The following CHAF1A variants were observed in gnomAD, a reference collection of about 807,000 sequenced individuals.
CHAF1A encodes the protein chromatin assembly factor 1 subunit A.
CHAF1A carries 5 observed loss-of-function variants against 93.2 expected under a neutral mutation model. That is an observed-to-expected ratio of 0.05 (90% CI 0.03 to 0.11). The LOEUF is 0.11. CHAF1A is among the 10% of genes least tolerant of loss of function. CHAF1A has a pLI of 1.00. For synonymous variants in CHAF1A, 504 were observed against 510.3 expected (o/e 0.99, Z 0.17); for missense variants, 1,102 against 1,259.9 (o/e 0.87, Z 1.90).
At chr19:4,402,926 G>A (rs1056710437) in intron 1 of CHAF1A, 112 bp downstream of exon 1, 77 of 626,224 alleles carry the variant, frequency 1.2e-4, no homozygotes, top group Non-Finnish European at 1.4e-4. Context: ...GGTCCTGCGG[G>A]CCGGGCGTTC....
At position 4,427,136 on chromosome 19, in the gene CHAF1A, C is replaced by CTTTTTTTTTTTTTTTTTTT. The variant is rs747750687; in HGVS notation, c.1378-1515_1378-1497dup. On this transcript the variant is annotated intron_variant, in intron 7 of 14. Coordinates refer to ENST00000301280, the MANE Select transcript of CHAF1A (RefSeq NM_005483.3). ...GTGATCTTTCAAAAAAAGACCCTGT[C>CTTTTTTTTTTTTTTTTTTT]TTTTTTTTTTTTTTTTTTTTTTTTT... Among the ~76,000 whole-genome samples the CTTTTTTTTTTTTTTTTTTT allele has an allele frequency of 1.3e-3, 40 of 31,948 alleles. 9 individuals are homozygous for CTTTTTTTTTTTTTTTTTTT. The highest frequency in any genetic ancestry group is 1.4e-3 in the Admixed American group (2 of 1,474). The allele number at this position is 31,948 out of a possible 152,430, so 21.0% of individuals were successfully genotyped here.
chr19:4,413,113 C>T (rs1026100493), intron 3 of CHAF1A, among the ~76,000 whole-genome samples: 1 of 152,090 alleles, frequency 6.6e-6, no homozygotes, highest in Non-Finnish European at 1.5e-5. Context: ...CACTCTTTTG[C>T]CCAGGTTGGA....
At chr19:4,429,362 A>T (rs1689278380) in intron 8 of CHAF1A, 76 bp from the exon 9 acceptor site, 6 of 1,509,330 alleles carry the variant, frequency 4.0e-6, no homozygotes, top group Non-Finnish European at 5.4e-6. Context: ...GGCCAGCTTC[A>T]CAGGGAGGTT....
intron 10 of CHAF1A, 101 bp downstream of exon 10, chr19:4,429,889 C>A: frequency 2.0e-6 from 2 of 1,017,986 alleles, no homozygotes; most frequent in Non-Finnish European, 2.9e-6. Context: ...TGTTCACTCA[C>A]TGACAGCTGG....
At chr19:4,404,263 G>A (rs1973641069) in intron 1 of CHAF1A, among the ~76,000 whole-genome samples, 1 of 152,222 alleles carries the variant, frequency 6.6e-6, no homozygotes, top group Non-Finnish European at 1.5e-5. Flanking sequence ...ACACACATAT[G>A]TGTTAATCGT....
Position 4,431,992 on chromosome 19 carries a change from T to C in CHAF1A, c.1988T>C (p.Leu663Pro), listed in dbSNP as rs1210600747. 1 of 1,612,986 alleles carries C rather than the reference T, an allele frequency of 6.2e-7. No individual in the cohort carries two copies. Among genetic ancestry groups the C allele is most frequent in the Non-Finnish European group, 8.5e-7 (1 of 1,179,312 alleles). ...DPENHKVRQK[L>P]KAKEWDEFLA... Reference sequence around the variant, plus strand: ...GAGAACCATAAGGTCCGCCAGAAACTGAAGGCCAAGGAGTGGGACGAGTTC... The same window carrying C: ...GAGAACCATAAGGTCCGCCAGAAACCGAAGGCCAAGGAGTGGGACGAGTTC... Residue 663 changes from leucine (L) to proline (P), a missense_variant, in exon 12 of 15, where the codon CTG (leucine) becomes CCG (proline). This residue lies in a region of CHAF1A where 335 missense variants were observed against 361.9 expected (regional missense o/e 0.93). Coordinates refer to ENST00000301280, the MANE Select transcript of CHAF1A (RefSeq NM_005483.3).
chr19:4,411,591 G>GAAA (rs147288937), intron 3 of CHAF1A, among the ~76,000 whole-genome samples: 1 of 142,916 alleles, frequency 7.0e-6, no homozygotes, highest in Non-Finnish European at 1.5e-5. Context: ...GATGAAAAAG[G>GAAA]AAAAAATGGC....
intron 3 of CHAF1A, among the ~76,000 whole-genome samples, chr19:4,416,272 G>A (rs1453288074): frequency 1.3e-5 from 2 of 152,288 alleles, no homozygotes; most frequent in African/African-American, 4.8e-5. Context: ...GTCTTACACT[G>A]CAAGTCTGCA....
In CHAF1A at chr19:4,402,809, C is replaced by T; in HGVS notation, c.47C>T (p.Ala16Val). Residue 16 changes from alanine to valine, a missense_variant, in exon 1 of 15, where the codon GCC (alanine) becomes GTC (valine). Ala to Val is a moderately conservative substitution (Grantham distance 64). This residue lies in a region of CHAF1A where 28 missense variants were observed against 56.5 expected (regional missense o/e 0.50). Coordinates refer to ENST00000301280, the MANE Select transcript of CHAF1A (RefSeq NM_005483.3). ...ECGAPGARGA[A>V]TAMDCKDRPA... ...GGGGCGCCCGGCGCCAGGGGAGCCG[C>T]CACAGGTCGGTTCGGGCCCGCGCCG... The T allele has an allele frequency of 8.3e-7, 1 of 1,204,802 alleles. No homozygotes were observed. Among genetic ancestry groups the T allele is most frequent in the South Asian group, 4.1e-5 (1 of 24,124 alleles). The allele number at this position is 1,204,802 out of a possible 1,614,324, so 74.6% of individuals were successfully genotyped here. A position where few individuals can be genotyped will look rare whatever the true frequency, so the allele number is the denominator to read the frequency against.
Position 4,431,933 on chromosome 19 carries a change from C to T in CHAF1A, c.1948-19C>T. On this transcript the variant is annotated intron_variant, in intron 11 of 14. Transcript: ENST00000301280. ...GGGAGCAAGAACCCCAAATAAACTT[C>T]TGCTTTCTAAACCACAAGGAGTGTG... The T allele has an allele frequency of 6.3e-7, 1 of 1,584,470 alleles. No homozygotes were observed. The highest frequency in any genetic ancestry group is 8.6e-7 in the Non-Finnish European group (1 of 1,160,448).
chr19:4,431,682 G>A (rs1454059858), intron 11 of CHAF1A, among the ~76,000 whole-genome samples: 1 of 152,140 alleles, frequency 6.6e-6, no homozygotes, highest in Non-Finnish European at 1.5e-5. Flanking sequence ...ACATTCACCA[G>A]AAAATTCAGA....
In CHAF1A at chr19:4,433,326, G is replaced by T. The variant is rs748083293; in HGVS notation, c.2460G>T (p.Val820=). 41 of 1,613,942 alleles carry T rather than the reference G, an allele frequency of 2.5e-5. No individual in the cohort carries two copies. The highest frequency in any genetic ancestry group is 3.1e-5 in the Non-Finnish European group (37 of 1,179,944). The change falls in exon 13 of 15, where the codon GTG becomes GTT. Residue 820 remains valine, a synonymous_variant. Coordinates refer to ENST00000301280, the MANE Select transcript of CHAF1A (RefSeq NM_005483.3). This position sits in a 1 kb window ranked among gnomAD's most constrained non-coding sequence, Gnocchi z 5.6. ...KRPDFRMCWY[V]HPQVLQSFQQ... ...CTGACTTCAGGATGTGCTGGTACGTGCACCCGCAGGTGCTACAGAGCTTCC... is the reference window on the plus strand; with the variant it reads ...CTGACTTCAGGATGTGCTGGTACGTTCACCCGCAGGTGCTACAGAGCTTCC...
intron 13 of CHAF1A, among the ~76,000 whole-genome samples, chr19:4,435,968 G>GC (rs908911830): frequency 3.3e-5 from 5 of 152,258 alleles, no homozygotes; most frequent in African/African-American, 1.2e-4. Flanking sequence ...GTGAAACCCT[G>GC]TCTCTACTAA....
chr19:4,406,818 G>A (rs1027666317), intron 2 of CHAF1A, among the ~76,000 whole-genome samples: 2 of 152,122 alleles, frequency 1.3e-5, no homozygotes, highest in Non-Finnish European at 1.5e-5. Flanking sequence ...CCAGCTATTT[G>A]AGAGGCTGGG....
rs535299945 is a variant in CHAF1A, at chr19:4,432,918, T to A, written c.2204-152T>A. ...GGGCAGGTGCGTAGGTGCTACCCTG[T>A]CTTACACCCGCCCTCATGAGGCCAC... On this transcript the variant is annotated intron_variant, in intron 12 of 14. Transcript: ENST00000301280. 6.0e-5 allele frequency: 38 copies of A among 632,270 alleles called. 1 individual carries two copies. The South Asian group carries it at 7.2e-4, about 12-fold the overall frequency. 39.2% of individuals were successfully genotyped at this position (632,270 alleles called of 1,614,324 possible). A position where few individuals can be genotyped will look rare whatever the true frequency, so the allele number is the denominator to read the frequency against.
intron 4 of CHAF1A, among the ~76,000 whole-genome samples, chr19:4,419,439 T>C (rs558751929): frequency 4.1e-4 from 60 of 147,512 alleles, no homozygotes; most frequent in African/African-American, 1.3e-3. Context: ...ATTTTATTAC[T>C]TTTTTTTTTA....
At chr19:4,428,565 T>TAC (rs1974125299) in intron 7 of CHAF1A, 99 bp from the exon 8 acceptor site, 2 of 1,065,608 alleles carry the variant, frequency 1.9e-6, no homozygotes, top group South Asian at 2.9e-5. Flanking sequence ...GCCTTGGCCT[T>TAC]AGCCTGGATG....
intron 4 of CHAF1A, among the ~76,000 whole-genome samples, chr19:4,419,204 T>C (rs536616719): frequency 6.6e-6 from 1 of 151,998 alleles, no homozygotes; most frequent in Non-Finnish European, 1.5e-5. Flanking sequence ...ACTTATTGCT[T>C]AAAGGTTAGA....
At chr19:4,408,192 C>CT (rs201044725) in intron 2 of CHAF1A, among the ~76,000 whole-genome samples, 1,597 of 136,590 alleles carry the variant, frequency 0.012, 30 homozygotes, top group African/African-American at 0.032. Flanking sequence ...CCTGCCCCGT[C>CT]TTTTTTTTTT....
Sources: allele counts gnomAD v4.1 joint callset (sites outside exome capture counted in the v4.1 genomes callset), GRCh38; gene constraint gnomAD v4.1.1; regional missense constraint gnomAD v4.1.1; non-coding constraint Gnocchi (gnomAD v3.1); transcripts MANE v1.5; gene names NCBI Gene and HGNC (gene_info 2026-07-23, HGNC 2026-07-21).